The following CACNB2 variants were observed in gnomAD, a reference collection of about 807,000 sequenced individuals.
CACNB2 encodes the protein voltage-dependent L-type calcium channel subunit beta-2.
A neutral mutation model predicts 73.3 loss-of-function variants in CACNB2; 42 were observed. That is an observed-to-expected ratio of 0.57 (90% CI 0.45 to 0.74). CACNB2 has a LOEUF of 0.74. Ranked by LOEUF, CACNB2 falls within the 30% of genes least tolerant of loss-of-function variation. The pLI is 0.00. For synonymous variants in CACNB2, 348 were observed against 310.3 expected, an observed-to-expected ratio of 1.12 and a Z score of -1.28; for missense variants, 940 against 853.0, an observed-to-expected ratio of 1.10 and a Z score of -1.27.
intron 3 of CACNB2, among the ~76,000 whole-genome samples, chr10:18,482,067 T>G (rs1436357560): frequency 6.6e-6 from 1 of 151,950 alleles, no homozygotes; most frequent in Non-Finnish European, 1.5e-5. Context: ...TTTTTGTGGG[T>G]TTTTTTAGTA....
At chr10:18,306,388 G>A (rs776482630) in intron 2 of CACNB2, among the ~76,000 whole-genome samples, 3 of 152,042 alleles carry the variant, frequency 2.0e-5, no homozygotes, top group Non-Finnish European at 4.4e-5. Flanking sequence ...AGAATTAGAG[G>A]GTAGCGGAAC....
intron 2 of CACNB2, among the ~76,000 whole-genome samples, chr10:18,227,128 T>G (rs1346590678): frequency 1.3e-5 from 2 of 152,156 alleles, no homozygotes; most frequent in Non-Finnish European, 2.9e-5. Context: ...GGAAGAATTT[T>G]ATGTCGAATA....
At chr10:18,322,989 G>T (rs1375223511) in intron 2 of CACNB2, among the ~76,000 whole-genome samples, 2 of 143,196 alleles carry the variant, frequency 1.4e-5, no homozygotes, top group African/African-American at 2.6e-5. Flanking sequence ...TTGAGACAGG[G>T]TCTTGCTCTG....
At chr10:18,528,104 C>T (rs972728529) in intron 10 of CACNB2, among the ~76,000 whole-genome samples, 2 of 152,094 alleles carry the variant, frequency 1.3e-5, no homozygotes, top group Non-Finnish European at 2.9e-5. Context: ...GATATGTGCT[C>T]AATAAATGAT....
chr10:18,489,233 A>AG (rs1376711856), intron 3 of CACNB2, among the ~76,000 whole-genome samples: 2 of 151,952 alleles, frequency 1.3e-5, no homozygotes, highest in Non-Finnish European at 2.9e-5. Flanking sequence ...AACAAAAAAT[A>AG]CAAAAAATTA....
intron 3 of CACNB2, among the ~76,000 whole-genome samples, chr10:18,447,159 A>G (rs563071432): frequency 3.7e-4 from 57 of 152,324 alleles, no homozygotes; most frequent in African/African-American, 1.3e-3. Context: ...CTACATTTGG[A>G]GGATGATGGT....
intron 2 of CACNB2, among the ~76,000 whole-genome samples, chr10:18,275,159 C>A (rs929699588): frequency 5.9e-5 from 9 of 152,196 alleles, no homozygotes; most frequent in African/African-American, 2.2e-4. Context: ...AGCTGTGCTC[C>A]ATCGCTATCT....
At chr10:18,366,544 C>T (rs1034557761) in intron 2 of CACNB2, among the ~76,000 whole-genome samples, 9 of 148,592 alleles carry the variant, frequency 6.1e-5, no homozygotes, top group African/African-American at 2.2e-4. Flanking sequence ...TAATATAGTC[C>T]ATCGAAGACT....
chr10:18,164,701 T>C (rs1040286004), intron 2 of CACNB2, among the ~76,000 whole-genome samples: 2 of 151,954 alleles, frequency 1.3e-5, no homozygotes, highest in East Asian at 3.9e-4. Flanking sequence ...ACCCAGATGT[T>C]TCAGCCCGGA....
At chr10:18,150,830 AG>A in intron 1 of CACNB2, 52 bp from the exon 2 acceptor site, 1 of 1,150,440 alleles carries the variant, frequency 8.7e-7, no homozygotes, top group South Asian at 1.4e-5. Context: ...TTCCTGTTAA[AG>A]GGTCTCATAA....
chr10:18,380,022 C>T (rs1418079208), intron 2 of CACNB2, among the ~76,000 whole-genome samples: 3 of 152,186 alleles, frequency 2.0e-5, no homozygotes, highest in Non-Finnish European at 2.9e-5. Context: ...AATTTGACTA[C>T]ACTGGGGATT....
At chr10:18,538,799 C>G (rs1213662709) in intron 13 of CACNB2, among the ~76,000 whole-genome samples, 2 of 152,136 alleles carry the variant, frequency 1.3e-5, no homozygotes, top group Non-Finnish European at 2.9e-5. Context: ...AAAGGGTCTA[C>G]AGAACAGTGC....
rs184217865 is a variant in CACNB2, at chr10:18,248,000, T to G, written c.213+97025T>G. On this transcript the variant is annotated intron_variant, in intron 2 of 13. Transcript: ENST00000324631. ...CTGGGACCTCTTTGATAATGGTGCT[T>G]AATCCCAATCATGACCTAATCACCT... Among the ~76,000 whole-genome samples, 463 of 152,300 alleles carry G rather than the reference T, an allele frequency of 3.0e-3. 1 individual carries two copies. Among genetic ancestry groups the G allele is most frequent in the African/African-American group, 0.011 (441 of 41,570 alleles).
chr10:18,488,089 G>T (rs193205690), intron 3 of CACNB2, among the ~76,000 whole-genome samples: 1 of 151,494 alleles, frequency 6.6e-6, no homozygotes, highest in Non-Finnish European at 1.5e-5. Flanking sequence ...GATTACATGC[G>T]TGAGCCACCA....
chr10:18,230,695 T>A (rs570095519), intron 2 of CACNB2, among the ~76,000 whole-genome samples: 3 of 152,176 alleles, frequency 2.0e-5, no homozygotes, highest in African/African-American at 7.2e-5. Context: ...GACAGAGTAT[T>A]AAGAATATTA....
At chr10:18,484,900 A>T (rs946546110) in intron 3 of CACNB2, among the ~76,000 whole-genome samples, 5 of 152,206 alleles carry the variant, frequency 3.3e-5, no homozygotes, top group African/African-American at 9.6e-5. Flanking sequence ...CACGCCTGTA[A>T]TCTGAGCACT....
intron 2 of CACNB2, among the ~76,000 whole-genome samples, chr10:18,267,200 T>A (rs117923122): frequency 6.6e-6 from 1 of 151,514 alleles, no homozygotes; most frequent in South Asian, 2.1e-4. Flanking sequence ...ACTGCATTTT[T>A]TTTTTATTAA....
In CACNB2 at chr10:18,401,513, ACTTT is replaced by A. The variant is rs1294404207; in HGVS notation, c.214-405_214-402del. 3.9e-5 allele frequency among the ~76,000 whole-genome samples: 6 copies of A among 152,156 alleles called. No individual in the cohort carries two copies. The South Asian group carries it at 8.3e-4, about 21-fold the overall frequency. On this transcript the variant is annotated intron_variant, in intron 2 of 13. Transcript: ENST00000324631. ...TGGAGAGTTCAAGTTTATAACTCAG[ACTTT>A]CTTTCATGTTTTTGTTAAGCTTAAT...
In CACNB2 at chr10:18,486,892, C is replaced by T. The variant is rs560845009; in HGVS notation, c.334-11463C>T. Among the ~76,000 whole-genome samples the T allele has an allele frequency of 2.2e-4, 33 of 151,922 alleles. No individual in the cohort carries two copies. The East Asian group carries it at 2.9e-3, about 13-fold the overall frequency. The stretch of plus-strand genomic sequence containing the variant: ...TGTCTCACGGCAGGGAAATCGAGGA[C>T]GTGGACGTGGAAGAAATGAGTTTAA... On this transcript the variant is annotated intron_variant, in intron 3 of 13. Coordinates refer to ENST00000324631, the MANE Select transcript of CACNB2 (RefSeq NM_201596.3).
Sources: gnomAD v4.1 joint callset for allele counts (sites outside exome capture counted in the v4.1 genomes callset) on GRCh38, gnomAD v4.1.1 for gene constraint, MANE v1.5 for transcripts, NCBI Gene and HGNC (gene_info 2026-07-23, HGNC 2026-07-21) for gene names.